EDEM2: variants seen among roughly 807,000 people sequenced by gnomAD.
EDEM2 encodes the protein ER degradation-enhancing alpha-mannosidase-like protein 2.
In EDEM2, 39 loss-of-function variants were observed where a neutral mutation model predicts 64.8. That is an observed-to-expected ratio of 0.60 (90% CI 0.47 to 0.79). The LOEUF is 0.79. EDEM2 is among the 30% of genes least tolerant of loss of function. EDEM2 has a pLI of 0.00. For synonymous variants in EDEM2, 296 were observed against 291.5 expected, an observed-to-expected ratio of 1.02 and a Z score of -0.16; for missense variants, 609 against 731.3, an observed-to-expected ratio of 0.83 and a Z score of 1.93.
chr20:35,132,395 A>G (rs1292857330), intron 6 of EDEM2, among the ~76,000 whole-genome samples: 1 of 151,806 alleles, frequency 6.6e-6, no homozygotes, highest in Non-Finnish European at 1.5e-5. Context: ...GCTCATGCCT[A>G]TAATCCCAGC....
At position 35,126,239 on chromosome 20, in the gene EDEM2, G is replaced by T; in HGVS notation, c.969+12C>A. On this transcript the variant is annotated intron_variant, in intron 8 of 10. Transcript: ENST00000374492. ...TCATAGAAAGATGATCACATTCTTT[G>T]ATCATTCCTACCTGAAGACCAGGCC... The T allele has an allele frequency of 6.2e-7, 1 of 1,610,496 alleles. No homozygotes were observed. The highest frequency in any genetic ancestry group is 8.5e-7 in the Non-Finnish European group (1 of 1,179,132).
In EDEM2 at chr20:35,146,337, G is replaced by T. The variant is rs1022105677; in HGVS notation, c.218+488C>A. Among the ~76,000 whole-genome samples the T allele has an allele frequency of 2.0e-5, 3 of 152,258 alleles. No homozygotes were observed. In the South Asian group the frequency reaches 6.2e-4, roughly 32 times the overall value. The stretch of plus-strand genomic sequence containing the variant: ...GGATAATGGCACCTAACTCGTAGGG[G>T]TATTAAGATACTGAGCTGAGATCTG... On this transcript the variant is annotated intron_variant, in intron 2 of 10. Transcript: ENST00000374492.
intron 8 of EDEM2, among the ~76,000 whole-genome samples, chr20:35,125,237 G>A (rs6088725): frequency 0.52 from 76,682 of 147,076 alleles, 22,188 homozygotes; most frequent in Admixed American, 0.69. Context: ...GTCTCACTCT[G>A]TCACCCAGGC....
In EDEM2 at chr20:35,115,486, G is replaced by A. The variant is rs2085296017; in HGVS notation, c.1684C>T (p.Pro562Ser). Residue 562 changes from proline (P) to serine (S), a missense_variant, in exon 11 of 11, where the codon CCC (proline) becomes TCC (serine). Transcript: ENST00000374492. Reference sequence around the variant, plus strand: ...AGTAATGCCAACTTGGAGGTGAAGGGCTGACTGGGGCAGCTGAGAAGTGGG... The same window carrying A: ...AGTAATGCCAACTTGGAGGTGAAGGACTGACTGGGGCAGCTGAGAAGTGGG... ...KVPLLSCPSQ[P>S]FTSKLALLGQ... is the part of the protein sequence containing the mutation. 1 of 1,613,932 alleles carries A rather than the reference G, an allele frequency of 6.2e-7. No homozygotes were observed. The highest frequency in any genetic ancestry group is 1.1e-5 in the South Asian group (1 of 91,088).
At chr20:35,118,458 G>A in intron 10 of EDEM2, 140 bp downstream of exon 10, 10 of 1,312,556 alleles carry the variant, frequency 7.6e-6, no homozygotes, top group Non-Finnish European at 1.1e-5. Flanking sequence ...CTCCCCATCT[G>A]TAAAATATGA....
chr20:35,139,868 G>A (rs2085629640), intron 4 of EDEM2, among the ~76,000 whole-genome samples: 1 of 151,766 alleles, frequency 6.6e-6, no homozygotes, highest in Non-Finnish European at 1.5e-5. Flanking sequence ...TTTTTAAAAG[G>A]AGAAGACAGC....
intron 8 of EDEM2, 53 bp downstream of exon 8, chr20:35,126,198 G>T: frequency 6.3e-7 from 1 of 1,589,642 alleles, no homozygotes; most frequent in Non-Finnish European, 8.5e-7. Context: ...ATCAGAATGA[G>T]CTTGCTTTGC....
intron 7 of EDEM2, 34 bp downstream of exon 7, chr20:35,131,608 G>C (rs1009098807): frequency 1.9e-6 from 3 of 1,597,820 alleles, no homozygotes; most frequent in African/African-American, 1.4e-5. Context: ...CAAGAAAAAT[G>C]AGGGGAAAAG....
chr20:35,134,835 A>G lies in EDEM2; in HGVS notation c.605T>C (p.Phe202Ser), dbSNP rs1340245743. Reference sequence around the variant, plus strand: ...ACCAGTGAGGCTGCTCAGGGTGGCAAATTCAACAATGAAGGTCCCAATCCC... The same window carrying G: ...ACCAGTGAGGCTGCTCAGGGTGGCAGATTCAACAATGAAGGTCCCAATCCC... ...TAGIGTFIVE[F>S]ATLSSLTGDP... is the part of the protein sequence containing the mutation. The change falls in exon 6 of 11, where the codon TTT (phenylalanine) becomes TCT (serine). Residue 202 changes from phenylalanine to serine, a missense_variant. Coordinates refer to ENST00000374492, the MANE Select transcript of EDEM2 (RefSeq NM_018217.3). The G allele has an allele frequency of 6.2e-7, 1 of 1,614,134 alleles. No homozygotes were observed. Among genetic ancestry groups the G allele is most frequent in the Non-Finnish European group, 8.5e-7 (1 of 1,180,028 alleles).
At chr20:35,138,339 T>G (rs2085605275) in intron 4 of EDEM2, among the ~76,000 whole-genome samples, 2 of 152,128 alleles carry the variant, frequency 1.3e-5, no homozygotes, top group African/African-American at 4.8e-5. Context: ...AAGCACTAAG[T>G]ACTACTGTCC....
chr20:35,117,912 T>A (rs2146084778), intron 10 of EDEM2, among the ~76,000 whole-genome samples: 1 of 152,180 alleles, frequency 6.6e-6, no homozygotes, highest in Middle Eastern at 3.4e-3. Flanking sequence ...AGGGTTCACA[T>A]TCCAAGTAGA....
chr20:35,131,786 G>A lies in EDEM2; in HGVS notation c.703-3C>T. ...AGCACATCAATGTGGTTGCCGACCT[G>A]AGAGAGAGAAAGACACACGGTCCCA... is the stretch of plus-strand genomic sequence containing the variant. On this transcript the variant is annotated splice_region_variant and splice_polypyrimidine_tract_variant and intron_variant, in intron 6 of 10. Transcript: ENST00000374492. 2 of 1,613,160 alleles carry A rather than the reference G, an allele frequency of 1.2e-6. No homozygotes were observed. Among genetic ancestry groups the A allele is most frequent in the African/African-American group, 1.3e-5 (1 of 74,990 alleles).
intron 7 of EDEM2, among the ~76,000 whole-genome samples, chr20:35,130,413 A>G (rs2085492318): frequency 6.6e-6 from 1 of 152,218 alleles, no homozygotes; most frequent in African/African-American, 2.4e-5. Flanking sequence ...GAGATTAACA[A>G]CAATAACTAA....
intron 1 of EDEM2, 73 bp from the exon 2 acceptor site, chr20:35,147,008 C>T: frequency 1.3e-6 from 2 of 1,564,196 alleles, no homozygotes; most frequent in Non-Finnish European, 1.7e-6. Flanking sequence ...AGATACAGGG[C>T]GGAAAGTGGG....
Position 35,137,886 on chromosome 20 carries a change from G to C in EDEM2, c.484C>G (p.Leu162Val), listed in dbSNP as rs2085599199. The change falls in exon 5 of 11, where the codon CTC becomes GTC. Residue 162 changes from leucine to valine, a missense_variant. Leu to Val is a conservative substitution (Grantham distance 32). Transcript: ENST00000374492. ...RMAEEAARKL[L>V]PAFQTPTGMP... is the part of the protein sequence containing the mutation. ...ATCTCTGTGTGGGTCTTACCTGGGA[G>C]GAGTTTTCGGGCCGCCTCCTCAGCC... 1 of 1,613,964 alleles carries C rather than the reference G, an allele frequency of 6.2e-7. No homozygotes were observed. The highest frequency in any genetic ancestry group is 1.3e-5 in the African/African-American group (1 of 74,940).
At chr20:35,128,150 G>A (rs972769737) in intron 7 of EDEM2, among the ~76,000 whole-genome samples, 1 of 151,860 alleles carries the variant, frequency 6.6e-6, no homozygotes, top group African/African-American at 2.4e-5. Context: ...CTTTGGGAGG[G>A]CGAGGTGGGC....
Position 35,124,042 on chromosome 20 carries a change from A to C in EDEM2, c.970-8T>G. 1 of 1,609,284 alleles carries C rather than the reference A, an allele frequency of 6.2e-7. No individual in the cohort carries two copies. The highest frequency in any genetic ancestry group is 8.5e-7 in the Non-Finnish European group (1 of 1,176,126). ...AATGTCTCCAATGAGGCTCTGTGGG[A>C]GAAAGTGGCTGTCAGGCAGGTAGAC... On this transcript the variant is annotated splice_region_variant and splice_polypyrimidine_tract_variant and intron_variant, in intron 8 of 10. Coordinates refer to ENST00000374492, the MANE Select transcript of EDEM2 (RefSeq NM_018217.3).
intron 5 of EDEM2, among the ~76,000 whole-genome samples, chr20:35,135,778 G>A (rs997756755): frequency 2.6e-5 from 4 of 152,136 alleles, no homozygotes; most frequent in Non-Finnish European, 4.4e-5. Flanking sequence ...ACTAAACCAC[G>A]GATATAGTAT....
chr20:35,135,069 G>T, intron 5 of EDEM2, 120 bp from the exon 6 acceptor site: 1 of 988,956 alleles, frequency 1.0e-6, no homozygotes, highest in Non-Finnish European at 1.5e-6. Context: ...TATCCTGCTA[G>T]AGTCTGAGCC....
Sources: gnomAD v4.1 joint callset for allele counts (sites outside exome capture counted in the v4.1 genomes callset) on GRCh38, gnomAD v4.1.1 for gene constraint, MANE v1.5 for transcripts, NCBI Gene and HGNC (gene_info 2026-07-23, HGNC 2026-07-21) for gene names.